The following SOX5 variants were observed in gnomAD, a reference collection of about 807,000 sequenced individuals.
The protein encoded by SOX5 is SRY-box transcription factor 5, also known as transcription factor SOX-5.
SOX5 carries 9 observed loss-of-function variants against 92.0 expected under a neutral mutation model. That is an observed-to-expected ratio of 0.10 (90% confidence interval 0.06 to 0.17). The LOEUF (loss-of-function observed/expected upper bound fraction) is 0.17. SOX5 is among the 10% of genes least tolerant of loss of function. The pLI, the probability that SOX5 is intolerant of heterozygous loss-of-function variation, is 1.00. For synonymous variants in SOX5, 344 were observed against 336.3 expected (o/e 1.02, Z -0.25); for missense variants, 642 against 944.5 (o/e 0.68, Z 4.20).
chr12:24,386,873 T>C (rs769691839), intron 1 of SOX5, among the ~76,000 whole-genome samples: 11 of 152,194 alleles, frequency 7.2e-5, no homozygotes, highest in Admixed American at 1.3e-4. Context: ...ATTTGAGATA[T>C]AGCTGAAGGT....
At chr12:23,749,857 T>C (rs2094128869) in intron 4 of SOX5, among the ~76,000 whole-genome samples, 1 of 151,946 alleles carries the variant, frequency 6.6e-6, no homozygotes, top group Non-Finnish European at 1.5e-5. Flanking sequence ...TTTTCACTTG[T>C]CATTCCTTCC....
At chr12:23,542,687 G>T (rs757326859) in intron 13 of SOX5, among the ~76,000 whole-genome samples, 2 of 152,152 alleles carry the variant, frequency 1.3e-5, no homozygotes, top group African/African-American at 2.4e-5. Context: ...ACATCTTCTT[G>T]TGTTCTGAAA....
chr12:23,816,586 G>T (rs1186794502), intron 3 of SOX5, among the ~76,000 whole-genome samples: 1 of 152,130 alleles, frequency 6.6e-6, no homozygotes, highest in Non-Finnish European at 1.5e-5. Flanking sequence ...AAATAGTAAG[G>T]ATGAATGGCC....
chr12:24,555,830 A>G (rs1953721052), intron 1 of SOX5, among the ~76,000 whole-genome samples: 1 of 152,220 alleles, frequency 6.6e-6, no homozygotes, highest in African/African-American at 2.4e-5. Context: ...ACTGGGCTAT[A>G]CTGCCAAACC....
At chr12:24,088,158 A>G (rs1944236865) in intron 4 of SOX5, among the ~76,000 whole-genome samples, 1 of 152,126 alleles carries the variant, frequency 6.6e-6, no homozygotes, top group Non-Finnish European at 1.5e-5. Context: ...AATCAAGGAT[A>G]TGTCAACACA....
At chr12:24,002,604 G>A (rs1951721179) in intron 4 of SOX5, among the ~76,000 whole-genome samples, 1 of 132,474 alleles carries the variant, frequency 7.5e-6, no homozygotes, top group Non-Finnish European at 1.6e-5. Flanking sequence ...CAACTTGTAA[G>A]TTTCTTCCAA....
intron 1 of SOX5, among the ~76,000 whole-genome samples, chr12:24,491,568 G>C (rs953018560): frequency 6.6e-6 from 1 of 151,964 alleles, no homozygotes; most frequent in Non-Finnish European, 1.5e-5. Context: ...TGCAAAAAAA[G>C]TCCTTTGAAG....
intron 4 of SOX5, among the ~76,000 whole-genome samples, chr12:24,046,084 G>T (rs958726524): frequency 1.1e-4 from 16 of 152,122 alleles, no homozygotes; most frequent in Admixed American, 9.2e-4. Flanking sequence ...ATTTTATCTG[G>T]CTTGAACTAC....
intron 1 of SOX5, among the ~76,000 whole-genome samples, chr12:24,473,292 T>G (rs903525602): frequency 6.6e-6 from 1 of 151,962 alleles, no homozygotes; most frequent in Admixed American, 6.5e-5. Flanking sequence ...TGTTTGCAAA[T>G]TTCATGGTGA....
At chr12:24,407,129 T>A (rs1275482334) in intron 1 of SOX5, among the ~76,000 whole-genome samples, 1 of 151,966 alleles carries the variant, frequency 6.6e-6, no homozygotes, top group Non-Finnish European at 1.5e-5. Flanking sequence ...TCCCAAGAGT[T>A]TCCTCTGGGC....
intron 6 of SOX5, among the ~76,000 whole-genome samples, chr12:23,714,082 C>T (rs931972532): frequency 6.8e-6 from 1 of 147,740 alleles, no homozygotes; most frequent in African/African-American, 2.5e-5. Context: ...CAAAGCAAGA[C>T]TCCGCCTCAA....
chr12:23,858,907 T>C (rs894725931), intron 2 of SOX5, among the ~76,000 whole-genome samples: 2 of 152,186 alleles, frequency 1.3e-5, no homozygotes, highest in Non-Finnish European at 2.9e-5. Context: ...TTTACTGCAA[T>C]CTCTGAACAT....
At chr12:24,176,164 C>T (rs1309606155) in intron 4 of SOX5, among the ~76,000 whole-genome samples, 1 of 152,006 alleles carries the variant, frequency 6.6e-6, no homozygotes, top group Non-Finnish European at 1.5e-5. Flanking sequence ...AATCCCATCT[C>T]TACAAAAACT....
chr12:23,818,542 T>C (rs371255419), intron 3 of SOX5, among the ~76,000 whole-genome samples: 5 of 152,146 alleles, frequency 3.3e-5, no homozygotes, highest in African/African-American at 4.8e-5. Context: ...TACACTACAA[T>C]AGACTGTAAA....
At chr12:23,826,136 T>G (rs1291403679) in intron 3 of SOX5, among the ~76,000 whole-genome samples, 1 of 151,986 alleles carries the variant, frequency 6.6e-6, no homozygotes, top group Non-Finnish European at 1.5e-5. Flanking sequence ...AACTCGTCAT[T>G]TAACATTAGG....
chr12:24,451,138 C>T lies in SOX5; in HGVS notation c.-250-82499G>A, dbSNP rs560029845. ...AAATGACAGGATCTCATCCTTTTTACGGCTGAATAGTACTCCACTGTGTAT... is the reference window on the plus strand; with the variant it reads ...AAATGACAGGATCTCATCCTTTTTATGGCTGAATAGTACTCCACTGTGTAT... On this transcript the variant is annotated intron_variant, in intron 1 of 4. Transcript: ENST00000446891. Among the ~76,000 whole-genome samples the T allele has an allele frequency of 4.2e-3, 647 of 152,276 alleles. 1 individual carries two copies. The highest frequency in any genetic ancestry group is 6.4e-3 in the Non-Finnish European group (434 of 68,020).
chr12:23,664,084 T>C (rs1385393225), intron 7 of SOX5, among the ~76,000 whole-genome samples: 2 of 152,152 alleles, frequency 1.3e-5, no homozygotes, highest in African/African-American at 4.8e-5. Flanking sequence ...ACTCCAGAGT[T>C]GCAATCTTCT....
At chr12:23,567,747 T>C (rs1003548413) in intron 10 of SOX5, among the ~76,000 whole-genome samples, 22 of 152,216 alleles carry the variant, frequency 1.4e-4, no homozygotes, top group African/African-American at 4.3e-4. Context: ...TGAGCCACCA[T>C]GCCTGGCCTG....
chr12:24,394,006 A>T (rs900546672), intron 1 of SOX5, among the ~76,000 whole-genome samples: 1 of 152,238 alleles, frequency 6.6e-6, no homozygotes, highest in East Asian at 1.9e-4. Flanking sequence ...CATTCAGAAC[A>T]GAGACCTGAC....
Sources: allele counts gnomAD v4.1 joint callset (sites outside exome capture counted in the v4.1 genomes callset), GRCh38; gene constraint gnomAD v4.1.1; transcripts MANE v1.5; gene names NCBI Gene and HGNC (gene_info 2026-07-23, HGNC 2026-07-21).